MUCL1: variants seen among roughly 807,000 people sequenced by gnomAD.
MUCL1 encodes mucin-like protein 1.
A neutral mutation model predicts 9.2 loss-of-function variants in MUCL1; 11 were observed. That is an observed-to-expected ratio of 1.19 (90% confidence interval 0.75 to 1.97). The LOEUF is 1.97. MUCL1 is among the 30% of genes most tolerant of loss of function. MUCL1 has a pLI of 0.00. For missense variants in MUCL1, 144 were observed against 110.9 expected, an observed-to-expected ratio of 1.30 and a Z score of -1.34; for synonymous variants, 48 against 40.5, an observed-to-expected ratio of 1.19 and a Z score of -0.71.
Position 54,856,877 on chromosome 12 carries a change from C to G in MUCL1, c.208C>G (p.Arg70Gly). ...AACCACCGCTGCTTCTACCACTGCT[C>G]GTAAAGACATTCCAGGTAGCAAGAC... ...TATTAASTTA[R>G]KDIPVLPKWV... The change falls in exon 3 of 4, where the codon CGT (arginine) becomes GGT (glycine). Residue 70 changes from arginine (R) to glycine (G), a missense_variant. By Grantham distance (125) the Arg-to-Gly change is moderately radical (BLOSUM62 -2). Transcript: ENST00000308796. The G allele has an allele frequency of 1.2e-6, 2 of 1,613,768 alleles. No individual in the cohort carries two copies. The highest frequency in any genetic ancestry group is 1.7e-6 in the Non-Finnish European group (2 of 1,179,836).
chr12:54,833,822 G>A (rs1959188716), intron 1 of MUCL1, among the ~76,000 whole-genome samples: 1 of 150,462 alleles, frequency 6.6e-6, no homozygotes, highest in Non-Finnish European at 1.5e-5. Context: ...GGACTGTTGT[G>A]GGGTTGGGGG....
chr12:54,841,233 T>G (rs1332198781), intron 1 of MUCL1, among the ~76,000 whole-genome samples: 4 of 151,912 alleles, frequency 2.6e-5, no homozygotes, highest in Non-Finnish European at 5.9e-5. Context: ...CAGAATTTCT[T>G]TATTCATTTA....
chr12:54,854,783 A>G (rs902645890), intron 1 of MUCL1, 143 bp downstream of exon 1: 2 of 703,662 alleles, frequency 2.8e-6, no homozygotes, highest in Non-Finnish European at 4.7e-6. Context: ...CTGACCGTTC[A>G]AGATGGAGAT....
intron 1 of MUCL1, among the ~76,000 whole-genome samples, chr12:54,845,861 C>T (rs1215710840): frequency 2.0e-5 from 3 of 152,112 alleles, no homozygotes; most frequent in Non-Finnish European, 2.9e-5. Flanking sequence ...TGTTCTTTCT[C>T]CTCTAAAAGT....
At chr12:54,831,551 T>A (rs1364317576) in intron 1 of MUCL1, among the ~76,000 whole-genome samples, 2 of 152,130 alleles carry the variant, frequency 1.3e-5, no homozygotes, top group Admixed American at 1.3e-4. Context: ...AATGTTACAA[T>A]AAGTCTACCT....
intron 1 of MUCL1, among the ~76,000 whole-genome samples, chr12:54,845,453 A>C (rs1352178456): frequency 6.6e-6 from 1 of 152,168 alleles, no homozygotes; most frequent in Non-Finnish European, 1.5e-5. Context: ...TGATTGGTTA[A>C]TGCAAAGAGG....
chr12:54,841,047 T>G (rs1001692343), intron 1 of MUCL1, among the ~76,000 whole-genome samples: 1 of 147,386 alleles, frequency 6.8e-6, no homozygotes, highest in African/African-American at 2.4e-5. Flanking sequence ...TGAGTTCAAT[T>G]ATTTTTAAGC....
At chr12:54,832,570 A>T (rs1173620773) in intron 1 of MUCL1, among the ~76,000 whole-genome samples, 2 of 152,062 alleles carry the variant, frequency 1.3e-5, no homozygotes, top group Admixed American at 1.3e-4. Context: ...CTGTTGTTTC[A>T]TGGTGGCCTG....
Position 54,854,545 on chromosome 12 carries a change from C to T in MUCL1, c.-38C>T, listed in dbSNP as rs774319404. 3.4e-5 allele frequency: 54 copies of T among 1,577,980 alleles called. No individual in the cohort carries two copies. The highest frequency in any genetic ancestry group is 4.7e-5 in the Non-Finnish European group (54 of 1,151,358). On this transcript the variant is annotated 5_prime_UTR_variant, in exon 1 of 4. Transcript: ENST00000308796. ...CCTTGCCTTCTCTTAGGCTTTGAAG[C>T]ATTTTTGTCTGTGCTCCCTGATCTT...
chr12:54,832,608 C>T (rs566166173), intron 1 of MUCL1, among the ~76,000 whole-genome samples: 1 of 152,060 alleles, frequency 6.6e-6, no homozygotes, highest in Admixed American at 6.5e-5. Flanking sequence ...CTATTTAAAC[C>T]TTTTGACATT....
upstream of MUCL1, among the ~76,000 whole-genome samples, chr12:54,849,808 T>A (rs1191819291): frequency 6.6e-6 from 1 of 152,162 alleles, no homozygotes; most frequent in Non-Finnish European, 1.5e-5. Context: ...TAGATCCCTC[T>A]TAAAGTGATA....
At chr12:54,832,521 C>T (rs1281418088) in intron 1 of MUCL1, among the ~76,000 whole-genome samples, 1 of 152,010 alleles carries the variant, frequency 6.6e-6, no homozygotes, top group Non-Finnish European at 1.5e-5. Flanking sequence ...CTGTATTTGC[C>T]TTTAAAATCT....
chr12:54,835,115 C>T (rs527479384), upstream of MUCL1, among the ~76,000 whole-genome samples: 27 of 152,280 alleles, frequency 1.8e-4, no homozygotes, highest in Admixed American at 1.8e-3. Flanking sequence ...AGTAGTATTC[C>T]ATGGTGTACA....
At chr12:54,838,374 A>G (rs1410825987), upstream of MUCL1, among the ~76,000 whole-genome samples, 1 of 152,056 alleles carries the variant, frequency 6.6e-6, no homozygotes, top group Non-Finnish European at 1.5e-5. Context: ...CTTCCTTCAC[A>G]TTGACTTTAG....
chr12:54,838,692 C>T (rs1265309671), upstream of MUCL1, among the ~76,000 whole-genome samples: 2 of 151,752 alleles, frequency 1.3e-5, no homozygotes, highest in African/African-American at 2.4e-5. Context: ...TTCCAAAATT[C>T]TTCTTGGTCT....
upstream of MUCL1, among the ~76,000 whole-genome samples, chr12:54,836,559 T>C (rs2121481234): frequency 6.6e-6 from 1 of 152,316 alleles, no homozygotes; most frequent in East Asian, 1.9e-4. Context: ...TTGATCTTTT[T>C]TGTATTTGTT....
At chr12:54,848,872 G>A (rs1437603023) in intron 1 of MUCL1, among the ~76,000 whole-genome samples, 3 of 152,126 alleles carry the variant, frequency 2.0e-5, no homozygotes, top group African/African-American at 7.2e-5. Flanking sequence ...ATTAAATTAA[G>A]TGTATACATA....
At chr12:54,831,802 C>T (rs1482144740) in intron 1 of MUCL1, among the ~76,000 whole-genome samples, 2 of 152,032 alleles carry the variant, frequency 1.3e-5, no homozygotes, top group African/African-American at 2.4e-5. Flanking sequence ...GCATATGCCT[C>T]TAAAATTGTG....
chr12:54,847,431 C>T (rs922789149), intron 1 of MUCL1, among the ~76,000 whole-genome samples: 1 of 152,086 alleles, frequency 6.6e-6, no homozygotes, highest in African/African-American at 2.4e-5. Flanking sequence ...GCCTGACCAA[C>T]ATGGTGAAAC....
Sources: allele counts gnomAD v4.1 joint callset (sites outside exome capture counted in the v4.1 genomes callset), GRCh38; gene constraint gnomAD v4.1.1; transcripts MANE v1.5; gene names NCBI Gene and HGNC (gene_info 2026-07-23, HGNC 2026-07-21).